The following SLC9D1 variants were observed in gnomAD, a reference collection of about 807,000 sequenced individuals.
SLC9D1 encodes the protein putative LAG1-interacting protein.
At chr13:113,527,481 C>T in the SLC9D1 span, 1 of 152,260 alleles carries the variant, frequency 6.6e-6, no homozygotes, top group Non-Finnish European at 1.5e-5. Context: ...CATCCAGTGC[C>T]TGGGAAGCGC....
the SLC9D1 span, among the ~76,000 whole-genome samples, chr13:113,492,022 T>G: frequency 0.067 from 10,209 of 152,326 alleles, 392 homozygotes; most frequent in Non-Finnish European, 0.079. Context: ...TTTTTGTGGT[T>G]GTTGAGACAG....
At chr13:113,507,494 T>G in the SLC9D1 span, among the ~76,000 whole-genome samples, 1 of 152,178 alleles carries the variant, frequency 6.6e-6, no homozygotes, top group East Asian at 1.9e-4. Context: ...ATGTTAATAC[T>G]TGCCAGAAGG....
At chr13:113,507,840 T>C in the SLC9D1 span, among the ~76,000 whole-genome samples, 2 of 152,246 alleles carry the variant, frequency 1.3e-5, no homozygotes, top group Admixed American at 1.3e-4. Context: ...ATAACGTACG[T>C]GTGTGCCTAC....
chr13:113,518,379 C>G, the SLC9D1 span, among the ~76,000 whole-genome samples: 1 of 152,258 alleles, frequency 6.6e-6, no homozygotes, highest in East Asian at 1.9e-4. Flanking sequence ...TGCCCATGGC[C>G]TAGCGGGCAA....
the SLC9D1 span, among the ~76,000 whole-genome samples, chr13:113,501,256 G>T: frequency 1.3e-5 from 2 of 152,168 alleles, no homozygotes; most frequent in Non-Finnish European, 2.9e-5. Context: ...TGCATCCTCA[G>T]ATTCAACCAA....
chr13:113,526,028 G>T, the SLC9D1 span, among the ~76,000 whole-genome samples: 1 of 150,692 alleles, frequency 6.6e-6, no homozygotes, highest in South Asian at 2.1e-4. Flanking sequence ...CGTAGGAGAC[G>T]ACAGCTATGT....
chr13:113,514,977 C>G, the SLC9D1 span, among the ~76,000 whole-genome samples: 3 of 152,210 alleles, frequency 2.0e-5, no homozygotes, highest in Non-Finnish European at 4.4e-5. Context: ...CTCGGCCTCC[C>G]AAAGCGTTGG....
chr13:113,503,459 A>G, the SLC9D1 span: 11 of 1,516,856 alleles, frequency 7.3e-6, no homozygotes, highest in Non-Finnish European at 1.0e-5. Context: ...TATGTTAAAC[A>G]TGTACAATTA....
chr13:113,506,790 C>T, the SLC9D1 span, among the ~76,000 whole-genome samples: 2 of 152,238 alleles, frequency 1.3e-5, no homozygotes, highest in East Asian at 3.9e-4. Flanking sequence ...CTATAGTATT[C>T]ACAGTTAAAT....
At chr13:113,501,725 C>A in the SLC9D1 span, 556 of 1,595,028 alleles carry the variant, frequency 3.5e-4, 1 homozygote, top group East Asian at 0.012. Flanking sequence ...TCTTATACTT[C>A]TGTTTCTTAT....
the SLC9D1 span, among the ~76,000 whole-genome samples, chr13:113,523,936 T>G: frequency 2.0e-5 from 3 of 152,258 alleles, no homozygotes; most frequent in Non-Finnish European, 4.4e-5. Flanking sequence ...GATGTCTTTC[T>G]GTTACTGATT....
chr13:113,525,736 G>C, the SLC9D1 span, among the ~76,000 whole-genome samples: 1 of 149,806 alleles, frequency 6.7e-6, no homozygotes, highest in African/African-American at 2.5e-5. Flanking sequence ...GCTCTGTGCC[G>C]GTTATTCTAG....
chr13:113,495,623 C>T, the SLC9D1 span: 160 of 1,562,736 alleles, frequency 1.0e-4, no homozygotes, highest in African/African-American at 1.7e-3. Context: ...TGCTGTTTCC[C>T]GTCCTTCCCT....
chr13:113,515,195 C>T, the SLC9D1 span, among the ~76,000 whole-genome samples: 2 of 152,176 alleles, frequency 1.3e-5, no homozygotes, highest in Non-Finnish European at 2.9e-5. Context: ...TAATTCAAAA[C>T]AGCATTATTT....
At chr13:113,536,294 C>G in the SLC9D1 span, among the ~76,000 whole-genome samples, 1 of 151,380 alleles carries the variant, frequency 6.6e-6, no homozygotes, top group Non-Finnish European at 1.5e-5. Flanking sequence ...AAGAGAATCA[C>G]TTGAACCCAG....
chr13:113,506,907 G>A, the SLC9D1 span, among the ~76,000 whole-genome samples: 4 of 152,122 alleles, frequency 2.6e-5, no homozygotes, highest in African/African-American at 7.2e-5. Flanking sequence ...GTTTGCACCC[G>A]GTTCTGAAGT....
At chr13:113,505,318 C>T in the SLC9D1 span, 1 of 152,200 alleles carries the variant, frequency 6.6e-6, no homozygotes, top group East Asian at 1.9e-4. Context: ...GTACATATGC[C>T]TTGACCTGGT....
At chr13:113,519,642 G>T in the SLC9D1 span, among the ~76,000 whole-genome samples, 1 of 152,186 alleles carries the variant, frequency 6.6e-6, no homozygotes, top group East Asian at 1.9e-4. Context: ...GGCTCATTCC[G>T]TGTGGTGGCT....
the SLC9D1 span, among the ~76,000 whole-genome samples, chr13:113,513,315 C>T: frequency 1.3e-5 from 2 of 152,158 alleles, no homozygotes; most frequent in Non-Finnish European, 1.5e-5. Flanking sequence ...CCCAGAGCAC[C>T]GCCCACCCAG....
Sources: allele counts gnomAD v4.1 joint callset (sites outside exome capture counted in the v4.1 genomes callset), GRCh38; gene constraint gnomAD v4.1.1; transcripts MANE v1.5; gene names NCBI Gene and HGNC (gene_info 2026-07-23, HGNC 2026-07-21).